ZNF510: variants seen among roughly 807,000 people sequenced by gnomAD.
The protein encoded by ZNF510 is zinc finger protein 510.
ZNF510 carries 15 observed loss-of-function variants against 18.1 expected under a neutral mutation model. That is an observed-to-expected ratio of 0.83 (90% confidence interval 0.55 to 1.28). ZNF510 has a LOEUF of 1.28. Ranked by LOEUF, ZNF510 falls within the 50% of genes most tolerant of loss-of-function variation. The probability of loss-of-function intolerance (pLI) is 0.00; values close to 1 mark genes in which losing one functional copy is unlikely to be tolerated. For missense variants in ZNF510, 724 were observed against 791.8 expected (o/e 0.91, Z 1.03); for synonymous variants, 261 against 266.4 (o/e 0.98, Z 0.20).
rs1018242527 is a variant in ZNF510 at position 96,754,879 on chromosome 9, A to G, written c.*3899T>C. On this transcript the variant is annotated 3_prime_UTR_variant, in exon 6 of 6. Coordinates refer to ENST00000223428, the MANE Select transcript of ZNF510 (RefSeq NM_014930.3). Reference sequence around the variant, plus strand: ...GACAAAAATTCCTGCCTTGTTTTCTATCTTTATTAGCTTGAAGGCCCTTAG... The same window carrying G: ...GACAAAAATTCCTGCCTTGTTTTCTGTCTTTATTAGCTTGAAGGCCCTTAG... 2.0e-5 allele frequency among the ~76,000 whole-genome samples: 3 copies of G among 152,208 alleles called. No homozygotes were observed. Among genetic ancestry groups the G allele is most frequent in the Non-Finnish European group, 2.9e-5 (2 of 68,018 alleles).
rs560696861 is a variant in ZNF510 at position 96,759,408 on chromosome 9, G to A, written c.1422C>T (p.Thr474=). Residue 474 remains threonine, a synonymous_variant, in exon 6 of 6, where the codon ACC becomes ACT. Coordinates refer to ENST00000223428, the MANE Select transcript of ZNF510 (RefSeq NM_014930.3). ...TGTGAATTCTTTGATGTCCCCTGAG[G>A]GTTGACTTCTGGACAAATGTTTTTC... The part of the protein sequence containing the change: ...ECGKTFVQKS[T]LRGHQRIHTG... The A allele has an allele frequency of 9.3e-6, 15 of 1,614,066 alleles. No homozygotes were observed. The East Asian group carries it at 2.2e-4, about 24-fold the overall frequency.
intron 4 of ZNF510, 98 bp from the exon 5 acceptor site, chr9:96,763,311 G>A (rs895059380): frequency 2.9e-6 from 4 of 1,379,070 alleles, no homozygotes; most frequent in Non-Finnish European, 4.1e-6. Context: ...TATCCTGAAA[G>A]TGCTCCTTTG....
rs1219995790 is a variant in ZNF510 at position 96,759,078 on chromosome 9, T to G, written c.1752A>C (p.Thr584=). ...TTCTTTGATGCACTCTGAGGGTTGA[T>G]GTCCGGGCAAAAGTTTTCCCACATT... ...CNECGKTFAR[T]STLRVHQRIH... The change falls in exon 6 of 6, where the codon ACA becomes ACC. Residue 584 remains threonine, a synonymous_variant. Coordinates refer to ENST00000223428, the MANE Select transcript of ZNF510 (RefSeq NM_014930.3). 6.2e-7 allele frequency: 1 copy of G among 1,613,944 alleles called. No homozygotes were observed. Among genetic ancestry groups the G allele is most frequent in the Admixed American group, 1.7e-5 (1 of 59,978 alleles).
At position 96,758,666 on chromosome 9, in the gene ZNF510, G is replaced by C; in HGVS notation, c.*112C>G. 1 of 1,089,460 alleles carries C rather than the reference G, an allele frequency of 9.2e-7. No individual in the cohort carries two copies. The highest frequency in any genetic ancestry group is 1.3e-6 in the Non-Finnish European group (1 of 773,486). The allele number at this position is 1,089,460 out of a possible 1,614,324, so 67.5% of individuals were successfully genotyped here. On this transcript the variant is annotated 3_prime_UTR_variant, in exon 6 of 6. Transcript: ENST00000223428. ...TGTGAATTCTCTGATTCACAGTGAG[G>C]GTTTACTTCTGGGACTGTCTTCTTA...
At chr9:96,763,336 A>G in intron 4 of ZNF510, 123 bp from the exon 5 acceptor site, 1 of 1,264,342 alleles carries the variant, frequency 7.9e-7, no homozygotes, top group Non-Finnish European at 1.1e-6. Context: ...TATCACTGGG[A>G]GTTGACAACA....
In ZNF510 at chr9:96,776,093, C is replaced by A; in HGVS notation, c.-24G>T. Reference sequence around the variant, plus strand: ...ATCACCAAGTCTGGTGCTCTCTGGGCAAGGGGATGAAGAAGTGCCGCTGGT... The same window carrying A: ...ATCACCAAGTCTGGTGCTCTCTGGGAAAGGGGATGAAGAAGTGCCGCTGGT... On this transcript the variant is annotated 5_prime_UTR_variant, in exon 2 of 6. Coordinates refer to ENST00000223428, the MANE Select transcript of ZNF510 (RefSeq NM_014930.3). The A allele has an allele frequency of 6.3e-7, 1 of 1,586,840 alleles. No individual in the cohort carries two copies. The highest frequency in any genetic ancestry group is 8.6e-7 in the Non-Finnish European group (1 of 1,164,872).
Position 96,758,878 on chromosome 9 carries a change from C to CTTA in ZNF510, c.1951_1952insTAA (p.His650_Ser651insIle), listed in dbSNP as rs1298599806. ...ATTGCATTCATAAGATTTCTCCCCA[C>CTTA]TGTGAGTCCTTTGATGTATTCTGAG... On this transcript the variant is annotated inframe_insertion, in exon 6 of 6. Transcript: ENST00000223428. 1 of 1,614,088 alleles carries CTTA rather than the reference C, an allele frequency of 6.2e-7. No homozygotes were observed.
At position 96,756,871 on chromosome 9, in the gene ZNF510, G is replaced by T. The variant is rs990165846; in HGVS notation, c.*1907C>A. The T allele has an allele frequency of 6.6e-6, 1 of 152,126 alleles. No individual in the cohort carries two copies. The highest frequency in any genetic ancestry group is 2.4e-5 in the African/African-American group (1 of 41,422). The allele number at this position is 152,126 out of a possible 1,614,324, so 9.4% of individuals were successfully genotyped here. ...ATGATCAGAGCTGTTGGACCTCAGAGGTATCTTTACATACAATTATTCCTG... is the reference window on the plus strand; with the variant it reads ...ATGATCAGAGCTGTTGGACCTCAGATGTATCTTTACATACAATTATTCCTG... On this transcript the variant is annotated 3_prime_UTR_variant, in exon 6 of 6. Transcript: ENST00000223428.
At position 96,760,122 on chromosome 9, in the gene ZNF510, A is replaced by T; in HGVS notation, c.708T>A (p.Asn236Lys). 6.2e-7 allele frequency: 1 copy of T among 1,609,856 alleles called. No homozygotes were observed. Among genetic ancestry groups the T allele is most frequent in the East Asian group, 2.2e-5 (1 of 44,832 alleles). ...GATGCTTGGGAAGATTTTCATTATAATTGAGAGCTTTCATGTTTTTATTAT... is the reference window on the plus strand; with the variant it reads ...GATGCTTGGGAAGATTTTCATTATATTTGAGAGCTTTCATGTTTTTATTAT... The part of the protein sequence containing the change: ...YEHNKNMKAL[N>K]YNENLPKHPK... Residue 236 changes from asparagine (N) to lysine (K), a missense_variant, in exon 6 of 6, where the codon AAT becomes AAA. Asn to Lys is a moderately conservative substitution (Grantham distance 94). Coordinates refer to ENST00000223428, the MANE Select transcript of ZNF510 (RefSeq NM_014930.3).
intron 3 of ZNF510, among the ~76,000 whole-genome samples, chr9:96,771,777 C>G (rs1327681829): frequency 3.3e-5 from 5 of 151,714 alleles, no homozygotes; most frequent in Admixed American, 1.3e-4. Flanking sequence ...GGTATAAGAT[C>G]AATACTAAAA....
chr9:96,773,023 A>G (rs1389202506), intron 3 of ZNF510, among the ~76,000 whole-genome samples: 2 of 152,256 alleles, frequency 1.3e-5, no homozygotes, highest in African/African-American at 2.4e-5. Context: ...ACAATGAAAT[A>G]CAGCCCAGTG....
chr9:96,759,309 GTGA>G lies in ZNF510; in HGVS notation c.1518_1520del (p.His507del). The G allele has an allele frequency of 1.2e-6, 2 of 1,613,958 alleles. No homozygotes were observed. The highest frequency in any genetic ancestry group is 1.1e-5 in the South Asian group (1 of 91,072). ...AGGATTTCTCCCCTGTGTGAATTCT[GTGA>G]TGATCTCTGAGGGTGGACTTCTGAA... On this transcript the variant is annotated inframe_deletion, in exon 6 of 6. Transcript: ENST00000223428.
At chr9:96,762,854 A>G in intron 5 of ZNF510, 1 of 232,706 alleles carries the variant, frequency 4.3e-6, no homozygotes. Flanking sequence ...TTACATTTTC[A>G]GGAAGCATAT....
Position 96,771,431 on chromosome 9 carries a change from T to TAAAA in ZNF510, c.129+3356_129+3357insTTTT, listed in dbSNP as rs1564441028. 4.5e-3 allele frequency among the ~76,000 whole-genome samples: 655 copies of TAAAA among 146,972 alleles called. 9 individuals are homozygous for TAAAA. Among genetic ancestry groups the TAAAA allele is most frequent in the African/African-American group, 0.015 (599 of 39,804 alleles). On this transcript the variant is annotated intron_variant, in intron 3 of 5. Coordinates refer to ENST00000223428, the MANE Select transcript of ZNF510 (RefSeq NM_014930.3). ...CATCTGACAAAATACTCATGCATGATTAAAAAAAAAAAAACTCAGGAAACT... is the reference window on the plus strand; with the variant it reads ...CATCTGACAAAATACTCATGCATGATAAAATAAAAAAAAAAAAACTCAGGAAACT...
intron 3 of ZNF510, 86 bp downstream of exon 3, chr9:96,774,702 A>T: frequency 8.3e-7 from 1 of 1,210,804 alleles, no homozygotes; most frequent in Non-Finnish European, 1.2e-6. Context: ...AATGATTTTG[A>T]TCCATTTCTA....
chr9:96,762,425 C>T (rs183912942), intron 5 of ZNF510, among the ~76,000 whole-genome samples: 23 of 150,322 alleles, frequency 1.5e-4, no homozygotes, highest in Middle Eastern at 3.4e-3. Flanking sequence ...AGGAGAATGG[C>T]GTAAACCTGG....
At chr9:96,769,278 AAT>A (rs1477214227) in intron 3 of ZNF510, among the ~76,000 whole-genome samples, 5 of 152,008 alleles carry the variant, frequency 3.3e-5, no homozygotes, top group Non-Finnish European at 5.9e-5. Flanking sequence ...CTACTGAAAA[AAT>A]ATAAAAATTA....
In ZNF510 at chr9:96,759,214, G is replaced by T; in HGVS notation, c.1616C>A (p.Thr539Asn). The T allele has an allele frequency of 6.2e-7, 1 of 1,613,198 alleles. No individual in the cohort carries two copies. The highest frequency in any genetic ancestry group is 2.2e-5 in the East Asian group (1 of 44,814). Residue 539 changes from threonine to asparagine, a missense_variant, in exon 6 of 6, where the codon ACT becomes AAT. Transcript: ENST00000223428. Reference protein sequence around the residue: ...SNLRIHQRTHTGEKTYQCNEC... With the variant: ...SNLRIHQRTHNGEKTYQCNEC... ...ATTACACTGGTAAGTTTTCTCCCCA[G>T]TGTGAGTTCTCTGATGTATTCTGAG...
chr9:96,774,516 C>G (rs1020546955), intron 3 of ZNF510, among the ~76,000 whole-genome samples: 2 of 152,134 alleles, frequency 1.3e-5, no homozygotes, highest in African/African-American at 4.8e-5. Flanking sequence ...TGGTTTTAAG[C>G]TTCTCATCAA....
Sources: allele counts gnomAD v4.1 joint callset (sites outside exome capture counted in the v4.1 genomes callset), GRCh38; gene constraint gnomAD v4.1.1; transcripts MANE v1.5; gene names NCBI Gene and HGNC (gene_info 2026-07-23, HGNC 2026-07-21).